SCUBE1: variants seen among roughly 807,000 people sequenced by gnomAD.
SCUBE1 encodes signal peptide, CUB domain and EGF like domain containing 1.
Under a neutral mutation model 124.4 loss-of-function variants are expected in SCUBE1, and 59 were observed. That is an observed-to-expected ratio of 0.47 (90% CI 0.38 to 0.59). SCUBE1 has a LOEUF of 0.59. SCUBE1 is among the 20% of genes least tolerant of loss of function. The pLI is 0.00. For missense variants in SCUBE1, 1,150 were observed against 1,371.2 expected (o/e 0.84, Z 2.55); for synonymous variants, 545 against 550.9 (o/e 0.99, Z 0.15).
intron 6 of SCUBE1, among the ~76,000 whole-genome samples, chr22:43,249,117 A>C (rs893355908): frequency 6.6e-6 from 1 of 151,998 alleles, no homozygotes; most frequent in Non-Finnish European, 1.5e-5. Flanking sequence ...ACCTGGGTAG[A>C]GAGAAGAGGA....
At chr22:43,239,159 C>A in intron 6 of SCUBE1, 1 of 597,076 alleles carries the variant, frequency 1.7e-6, no homozygotes, top group Non-Finnish European at 3.0e-6. Flanking sequence ...GGGGGAATGA[C>A]ACCATTCCTG....
chr22:43,203,880 G>T lies in SCUBE1; in HGVS notation c.*117C>A. 1.8e-6 allele frequency: 2 copies of T among 1,138,660 alleles called. No homozygotes were observed. Among genetic ancestry groups the T allele is most frequent in the South Asian group, 1.5e-5 (1 of 68,050 alleles). The allele number at this position is 1,138,660 out of a possible 1,614,324, so 70.5% of individuals were successfully genotyped here. The stretch of plus-strand genomic sequence containing the variant: ...TCTCCATGGGCTGGTCGGCTTCCCT[G>T]AAGGGCAGTGCCATGGGGTTCCCAA... On this transcript the variant is annotated 3_prime_UTR_variant, in exon 22 of 22. Transcript: ENST00000360835.
Position 43,258,147 on chromosome 22 carries a change from C to T in SCUBE1, c.727+72G>A. 1 of 1,050,098 alleles carries T rather than the reference C, an allele frequency of 9.5e-7. No homozygotes were observed. The highest frequency in any genetic ancestry group is 2.4e-5 in the East Asian group (1 of 42,090). The allele number at this position is 1,050,098 out of a possible 1,614,324, so 65.0% of individuals were successfully genotyped here. A position where few individuals can be genotyped will look rare whatever the true frequency, so the allele number is the denominator to read the frequency against. On this transcript the variant is annotated intron_variant, in intron 6 of 21. Transcript: ENST00000360835. This position sits in a 1 kb window ranked among gnomAD's most constrained non-coding sequence, Gnocchi z 5.0. ...AACCCGGACGTGGCAGGGTGCTGGC[C>T]CTGCTGGTGCACGCATGGGGGGTCG...
chr22:43,197,938 AC>A lies in SCUBE1; in HGVS notation c.*6058del, dbSNP rs1920953551. ...TCTCTGGACTCCACCGCCAGGGCTG[AC>A]CTGGCCCAGTTTCCAATCTGTAAGC... On this transcript the variant is annotated 3_prime_UTR_variant, in exon 22 of 22. Transcript: ENST00000360835. 1 of 152,290 alleles carries A rather than the reference AC, an allele frequency of 6.6e-6. No individual in the cohort carries two copies. Among genetic ancestry groups the A allele is most frequent in the Non-Finnish European group, 1.5e-5 (1 of 68,164 alleles). 9.4% of individuals were successfully genotyped at this position (152,290 alleles called of 1,614,324 possible). A position where few individuals can be genotyped will look rare whatever the true frequency, so the allele number is the denominator to read the frequency against.
intron 16 of SCUBE1, 147 bp downstream of exon 16, chr22:43,213,943 G>A (rs1468622292): frequency 1.3e-5 from 11 of 864,156 alleles, no homozygotes; most frequent in Non-Finnish European, 5.2e-6. Flanking sequence ...ATCGTGAAGG[G>A]TTTTGGAAAC....
chr22:43,304,728 C>G (rs1327506173), intron 3 of SCUBE1, among the ~76,000 whole-genome samples: 1 of 152,128 alleles, frequency 6.6e-6, no homozygotes, highest in African/African-American at 2.4e-5. Flanking sequence ...TGGCCGAGCC[C>G]TTCCCATCTC....
intron 12 of SCUBE1, among the ~76,000 whole-genome samples, chr22:43,221,812 C>A (rs1356214851): frequency 6.6e-6 from 1 of 152,154 alleles, no homozygotes; most frequent in African/African-American, 2.4e-5. Context: ...GCCTGTAATC[C>A]TAGCACTCTG....
chr22:43,308,324 T>C (rs1569024331), intron 3 of SCUBE1, among the ~76,000 whole-genome samples: 1 of 151,978 alleles, frequency 6.6e-6, no homozygotes, highest in Non-Finnish European at 1.5e-5. Flanking sequence ...GGGCCAAGAA[T>C]GGGAAAAGGT....
chr22:43,208,058 A>G lies in SCUBE1; in HGVS notation c.2734+14T>C. The G allele has an allele frequency of 6.2e-7, 1 of 1,613,908 alleles. No individual in the cohort carries two copies. Among genetic ancestry groups the G allele is most frequent in the Non-Finnish European group, 8.5e-7 (1 of 1,179,906 alleles). ...GAGCCGTGCACAGTGGGCCGTGAAG[A>G]CAGTGGATCTTACCATCGTAGGTGA... On this transcript the variant is annotated intron_variant, in intron 20 of 21. Transcript: ENST00000360835.
chr22:43,238,810 G>C lies in SCUBE1; in HGVS notation c.844+28C>G, dbSNP rs368675013. 27 of 1,575,416 alleles carry C rather than the reference G, an allele frequency of 1.7e-5. No individual in the cohort carries two copies. The African/African-American group carries it at 2.6e-4, about 15-fold the overall frequency. On this transcript the variant is annotated intron_variant, in intron 7 of 21. Coordinates refer to ENST00000360835, the MANE Select transcript of SCUBE1 (RefSeq NM_173050.5). ...CTCTTGGCCAGGCCAGTACAGGCAGGGGCACCCACACAGCTCCACATGCTG... is the reference window on the plus strand; with the variant it reads ...CTCTTGGCCAGGCCAGTACAGGCAGCGGCACCCACACAGCTCCACATGCTG...
chr22:43,218,637 C>T (rs5759220), intron 14 of SCUBE1, among the ~76,000 whole-genome samples, 179 bp from the exon 15 acceptor site: 42,085 of 152,150 alleles, frequency 0.28, 7,306 homozygotes, highest in East Asian at 0.51. Flanking sequence ...GAGGAGGCTG[C>T]GGACCTGGGA....
In SCUBE1 at chr22:43,197,971, T is replaced by C. The variant is rs898591426; in HGVS notation, c.*6026A>G. The C allele has an allele frequency of 2.0e-5, 3 of 152,832 alleles. No individual in the cohort carries two copies. Among genetic ancestry groups the C allele is most frequent in the Non-Finnish European group, 4.4e-5 (3 of 68,548 alleles). 9.5% of individuals were successfully genotyped at this position (152,832 alleles called of 1,614,324 possible). A position where few individuals can be genotyped will look rare whatever the true frequency, so the allele number is the denominator to read the frequency against. ...CAGTTTCCAATCTGTAAGCTTCAGA[T>C]TGATCAACGTTTTAGAGACATTTCC... On this transcript the variant is annotated 3_prime_UTR_variant, in exon 22 of 22. Coordinates refer to ENST00000360835, the MANE Select transcript of SCUBE1 (RefSeq NM_173050.5).
Position 43,280,517 on chromosome 22 carries a change from GCTGTCCCTTCCCCTCACCCATCCTC to G in SCUBE1, c.484+10504_484+10528del, listed in dbSNP as rs1569009529. On this transcript the variant is annotated intron_variant, in intron 4 of 21. Coordinates refer to ENST00000360835, the MANE Select transcript of SCUBE1 (RefSeq NM_173050.5). ...CCCGTCCCTTCCCCTCACCCATCCT[GCTGTCCCTTCCCCTCACCCATCCTC>G]CTGTCCCTTCCCCTCACCCATCCTG... Among the ~76,000 whole-genome samples the G allele has an allele frequency of 6.3e-4, 21 of 33,132 alleles. 1 individual carries two copies. Among genetic ancestry groups the G allele is most frequent in the African/African-American group, 1.3e-3 (7 of 5,522 alleles). The allele number at this position is 33,132 out of a possible 152,430, so 21.7% of individuals were successfully genotyped here.
In SCUBE1 at chr22:43,285,074, C is replaced by T. The variant is rs182328848; in HGVS notation, c.484+5972G>A. On this transcript the variant is annotated intron_variant, in intron 4 of 21. Coordinates refer to ENST00000360835, the MANE Select transcript of SCUBE1 (RefSeq NM_173050.5). ...GCGGGGAGAACCTCAGGCTGCCCCACGGCCTGTTCCAGTGCATAAAACCCC... is the reference window on the plus strand; with the variant it reads ...GCGGGGAGAACCTCAGGCTGCCCCATGGCCTGTTCCAGTGCATAAAACCCC... Among the ~76,000 whole-genome samples, 354 of 152,300 alleles carry T rather than the reference C, an allele frequency of 2.3e-3. 2 individuals are homozygous for T. Among genetic ancestry groups the T allele is most frequent in the African/African-American group, 8.2e-3 (342 of 41,560 alleles).
Position 43,253,111 on chromosome 22 carries a change from T to C in SCUBE1, c.727+5108A>G, listed in dbSNP as rs991008900. On this transcript the variant is annotated intron_variant, in intron 6 of 21. Transcript: ENST00000360835. Reference sequence around the variant, plus strand: ...TAAGTCCGTACCTTGCCTCTATTAATACAACGTGGGGGCAGGATGGGAACG... The same window carrying C: ...TAAGTCCGTACCTTGCCTCTATTAACACAACGTGGGGGCAGGATGGGAACG... Among the ~76,000 whole-genome samples, 27 of 147,128 alleles carry C rather than the reference T, an allele frequency of 1.8e-4. No individual in the cohort carries two copies. The South Asian group carries it at 5.5e-3, about 30-fold the overall frequency.
At chr22:43,229,016 G>A (rs1207285955) in intron 9 of SCUBE1, 56 bp downstream of exon 9, 25 of 1,301,004 alleles carry the variant, frequency 1.9e-5, no homozygotes, top group Non-Finnish European at 2.3e-5. Context: ...GTAGGTGGCC[G>A]TGCGGCCAGG....
Position 43,204,089 on chromosome 22 carries a change from A to G in SCUBE1, c.2875T>C (p.Tyr959His). The G allele has an allele frequency of 1.2e-6, 2 of 1,613,904 alleles. No homozygotes were observed. The highest frequency in any genetic ancestry group is 1.7e-6 in the Non-Finnish European group (2 of 1,179,960). ...ATCTCCTTGGATTCCTGGGCTGTGTACTTGAAGTAGTTCTGGGGATGCGCC... is the reference window on the plus strand; with the variant it reads ...ATCTCCTTGGATTCCTGGGCTGTGTGCTTGAAGTAGTTCTGGGGATGCGCC... ...VLAHPQNYFK[Y>H]TAQESKEMFP... The change falls in exon 22 of 22, where the codon TAC becomes CAC. Residue 959 changes from tyrosine to histidine, a missense_variant. Around this residue, in one of 3 missense-constraint regions of SCUBE1, gnomAD observed 757 missense variants for 840.9 expected, o/e 0.90. Transcript: ENST00000360835.
chr22:43,250,048 C>T (rs1923378843), intron 6 of SCUBE1, among the ~76,000 whole-genome samples: 1 of 152,252 alleles, frequency 6.6e-6, no homozygotes, highest in African/African-American at 2.4e-5. Context: ...TACTTAGTCA[C>T]TCATTTCATC....
chr22:43,319,831 G>T, intron 3 of SCUBE1, 106 bp downstream of exon 3: 2 of 1,408,170 alleles, frequency 1.4e-6, no homozygotes, highest in Non-Finnish European at 1.9e-6. Context: ...AACTAATACA[G>T]GAAGCCAAAG....
Sources: gnomAD v4.1 joint callset for allele counts (sites outside exome capture counted in the v4.1 genomes callset) on GRCh38, gnomAD v4.1.1 for gene constraint, gnomAD v4.1.1 regional missense constraint, Gnocchi (gnomAD v3.1) non-coding constraint, MANE v1.5 for transcripts, NCBI Gene and HGNC (gene_info 2026-07-23, HGNC 2026-07-21) for gene names.